Variants in RAB28 observed in about 807,000 individuals in gnomAD.
RAB28 encodes the protein ras-related protein Rab-28.
In RAB28, 24 loss-of-function variants were observed where a neutral mutation model predicts 31.7. The observed-to-expected ratio is 0.76, with a 90% confidence interval of 0.55 to 1.06. The LOEUF (loss-of-function observed/expected upper bound fraction) is 1.06, where lower values mean the gene tolerates loss of function less well. Among genes scored for constraint, RAB28 ranks in the 50% least tolerant of loss-of-function variants. RAB28 has a pLI of 0.00. For missense variants in RAB28, 254 were observed against 258.5 expected, an observed-to-expected ratio of 0.98 and a Z score of 0.12; for synonymous variants, 100 against 90.4, an observed-to-expected ratio of 1.11 and a Z score of -0.60.
intron 4 of RAB28, among the ~76,000 whole-genome samples, chr4:13,421,853 T>C (rs2108921828): frequency 6.6e-6 from 1 of 152,262 alleles, no homozygotes; most frequent in East Asian, 1.9e-4. Context: ...AAGGACTTCG[T>C]GACTAAAACA....
intron 4 of RAB28, among the ~76,000 whole-genome samples, chr4:13,454,190 T>A (rs551940954): frequency 1.8e-4 from 28 of 152,298 alleles, no homozygotes; most frequent in Admixed American, 1.0e-3. Context: ...TCTGATTGGT[T>A]ATGGGTTATA....
chr4:13,380,127 A>G lies in RAB28; in HGVS notation c.495+1364T>C, dbSNP rs151174687. Among the ~76,000 whole-genome samples the G allele has an allele frequency of 3.9e-5, 6 of 152,272 alleles. No homozygotes were observed. The East Asian group carries it at 1.2e-3, about 29-fold the overall frequency. The stretch of plus-strand genomic sequence containing the variant: ...GAGTTTATCTACAATTATTGACATT[A>G]CATTTTTTAAAAAGGCATGGATGGG... On this transcript the variant is annotated intron_variant, in intron 5 of 6. Coordinates refer to ENST00000330852, the MANE Select transcript of RAB28 (RefSeq NM_001017979.3).
intron 4 of RAB28, among the ~76,000 whole-genome samples, chr4:13,439,090 G>A (rs1485124627): frequency 6.6e-6 from 1 of 152,098 alleles, no homozygotes; most frequent in African/African-American, 2.4e-5. Flanking sequence ...GGAAATGTAT[G>A]TTCAAATCTG....
intron 5 of RAB28, among the ~76,000 whole-genome samples, chr4:13,379,384 C>T (rs1290811126): frequency 2.0e-5 from 3 of 151,782 alleles, no homozygotes; most frequent in Non-Finnish European, 2.9e-5. Context: ...TGGGTACACC[C>T]ATGAAAAAGT....
At chr4:13,474,219 A>AGAAAGAATGTGTGTGTGT (rs1716246750) in intron 3 of RAB28, 99 bp downstream of exon 3, 2 of 848,756 alleles carry the variant, frequency 2.4e-6, no homozygotes, top group Admixed American at 1.7e-5. Context: ...ATAAAAAGTT[A>AGAAAGAATGTGTGTGTGT]GAAAGAATGT....
intron 4 of RAB28, among the ~76,000 whole-genome samples, chr4:13,449,112 G>A (rs1714841282): frequency 6.6e-6 from 1 of 151,910 alleles, no homozygotes; most frequent in African/African-American, 2.4e-5. Context: ...AAAAGTTTCT[G>A]TTTATGCTTC....
At chr4:13,419,450 C>A (rs1302422551) in intron 4 of RAB28, among the ~76,000 whole-genome samples, 1 of 152,148 alleles carries the variant, frequency 6.6e-6, no homozygotes, top group Non-Finnish European at 1.5e-5. Context: ...AATATACATT[C>A]TTCTCATCAT....
rs1716512765 is a variant in RAB28, at chr4:13,479,485, T to C, written c.117A>G (p.Lys39=). 3.7e-6 allele frequency: 6 copies of C among 1,609,688 alleles called. No homozygotes were observed. The highest frequency in any genetic ancestry group is 4.2e-6 in the Non-Finnish European group (5 of 1,177,098). Residue 39 remains lysine, a synonymous_variant, in exon 2 of 7, where the codon AAA becomes AAG. Transcript: ENST00000330852. ...CCAGTCCTATAGTTTGTTTGTACTG[T>C]TTCCCAAAAGTTTCTTGAGCAAAAC... is the stretch of plus-strand genomic sequence containing the variant. ...TTCFAQETFG[K]QYKQTIGLDF...
At chr4:13,420,527 A>AATC (rs1241040929) in intron 4 of RAB28, among the ~76,000 whole-genome samples, 1 of 152,222 alleles carries the variant, frequency 6.6e-6, no homozygotes, top group East Asian at 1.9e-4. Context: ...TGGCAAACCG[A>AATC]ATCCAGCAGC....
chr4:13,408,466 A>C (rs1577183463), intron 4 of RAB28, among the ~76,000 whole-genome samples: 1 of 152,164 alleles, frequency 6.6e-6, no homozygotes, highest in South Asian at 2.1e-4. Flanking sequence ...TATTGGCTTG[A>C]AATTTTCTTT....
chr4:13,450,909 G>A (rs1277467532), intron 4 of RAB28, among the ~76,000 whole-genome samples: 3 of 151,876 alleles, frequency 2.0e-5, no homozygotes, highest in Non-Finnish European at 4.4e-5. Flanking sequence ...TATAATGGGC[G>A]AAGAAGCATG....
intron 3 of RAB28, among the ~76,000 whole-genome samples, chr4:13,467,979 A>C (rs771336253): frequency 6.6e-6 from 1 of 151,978 alleles, no homozygotes; most frequent in Non-Finnish European, 1.5e-5. Flanking sequence ...GTAGCTATAT[A>C]ATTTGAGACA....
At chr4:13,444,368 G>A (rs980256707) in intron 4 of RAB28, among the ~76,000 whole-genome samples, 4 of 151,900 alleles carry the variant, frequency 2.6e-5, no homozygotes, top group Non-Finnish European at 2.9e-5. Flanking sequence ...ATTCGTGTGC[G>A]TGTGTGTATA....
At chr4:13,435,678 AAATT>A (rs746242271) in intron 4 of RAB28, among the ~76,000 whole-genome samples, 17 of 152,338 alleles carry the variant, frequency 1.1e-4, no homozygotes, top group Non-Finnish European at 1.8e-4. Flanking sequence ...AACCAGAAAT[AAATT>A]AAAGTCCTGA....
At chr4:13,482,395 G>A (rs941920944) in intron 1 of RAB28, among the ~76,000 whole-genome samples, 4 of 152,054 alleles carry the variant, frequency 2.6e-5, no homozygotes, top group Non-Finnish European at 5.9e-5. Context: ...TAGCATATAG[G>A]ATAACCAGCA....
At chr4:13,431,252 AC>A (rs1560290467) in intron 4 of RAB28, among the ~76,000 whole-genome samples, 1 of 152,200 alleles carries the variant, frequency 6.6e-6, no homozygotes, top group African/African-American at 2.4e-5. Flanking sequence ...TCTGTGGCCC[AC>A]AGCCACACTG....
chr4:13,415,852 G>A (rs1391960538), intron 4 of RAB28, among the ~76,000 whole-genome samples: 1 of 152,246 alleles, frequency 6.6e-6, no homozygotes, highest in East Asian at 1.9e-4. Flanking sequence ...GCTCCTGACT[G>A]GTGGGGACTT....
chr4:13,477,966 T>C (rs915655969), intron 2 of RAB28, among the ~76,000 whole-genome samples: 1 of 151,522 alleles, frequency 6.6e-6, no homozygotes, highest in Non-Finnish European at 1.5e-5. Context: ...AACTAAAAAA[T>C]GAGAAATAAT....
At chr4:13,380,901 A>G (rs1397780476) in intron 5 of RAB28, among the ~76,000 whole-genome samples, 1 of 152,066 alleles carries the variant, frequency 6.6e-6, no homozygotes, top group Non-Finnish European at 1.5e-5. Flanking sequence ...TTATTAAATG[A>G]CATGGGAACA....
Sources: allele counts gnomAD v4.1 joint callset (sites outside exome capture counted in the v4.1 genomes callset), GRCh38; gene constraint gnomAD v4.1.1; transcripts MANE v1.5; gene names NCBI Gene and HGNC (gene_info 2026-07-23, HGNC 2026-07-21).